The following DACH2 variants were observed in gnomAD, a reference collection of about 807,000 sequenced individuals.
DACH2 encodes the protein dachshund homolog 2.
A neutral mutation model predicts 35.8 loss-of-function variants in DACH2; 17 were observed. The observed-to-expected ratio is 0.48, with a 90% confidence interval of 0.33 to 0.71. The LOEUF (loss-of-function observed/expected upper bound fraction) is 0.71. Ranked by LOEUF, DACH2 falls within the 30% of genes least tolerant of loss-of-function variation. DACH2 has a pLI of 0.02. For synonymous variants in DACH2, 195 were observed against 177.3 expected, an observed-to-expected ratio of 1.10 and a Z score of -0.79; for missense variants, 469 against 472.7, an observed-to-expected ratio of 0.99 and a Z score of 0.07.
chrX:86,393,939 TTTATTA>T lies in DACH2; in HGVS notation c.527+17101_527+17106del, dbSNP rs61097672. Among the ~76,000 whole-genome samples, 886 of 104,820 alleles carry T rather than the reference TTTATTA, an allele frequency of 8.5e-3. 6 individuals carry two copies. Among genetic ancestry groups the T allele is most frequent in the African/African-American group, 0.028 (805 of 28,952 alleles). The allele number at this position is 104,820 out of a possible 115,157, so 91.0% of individuals were successfully genotyped here. A position where few individuals can be genotyped will look rare whatever the true frequency, so the allele number is the denominator to read the frequency against. ...TTAACACTTAATAAATGGTAGCTAT[TTTATTA>T]TTATTATTATTATTATTATTATTTT... On this transcript the variant is annotated intron_variant, in intron 2 of 11. Coordinates refer to ENST00000373125, the MANE Select transcript of DACH2 (RefSeq NM_053281.3).
chrX:86,313,256 A>C (rs2034834823), intron 1 of DACH2, among the ~76,000 whole-genome samples: 1 of 111,741 alleles, frequency 8.9e-6, no homozygotes, highest in African/African-American at 3.3e-5. Context: ...AATGTTCCTT[A>C]TTTTTAAAAG....
chrX:86,654,088 GGC>G lies in DACH2; in HGVS notation c.772+2922_772+2923del, dbSNP rs1372257285. The stretch of plus-strand genomic sequence containing the variant: ...GATTTCTCTGTTGATTGGCCTGCAC[GGC>G]AGTGGTCTCTAGCCCTTTGCTTTCT... On this transcript the variant is annotated intron_variant, in intron 4 of 11. Transcript: ENST00000373125. Among the ~76,000 whole-genome samples, 28 of 106,095 alleles carry G rather than the reference GGC, an allele frequency of 2.6e-4. 1 individual carries two copies. The East Asian group carries it at 8.4e-3, about 32-fold the overall frequency. 92.1% of individuals were successfully genotyped at this position (106,095 alleles called of 115,157 possible).
At chrX:86,635,746 T>C (rs1332089111) in intron 3 of DACH2, among the ~76,000 whole-genome samples, 1 of 111,168 alleles carries the variant, frequency 9.0e-6, no homozygotes, top group African/African-American at 3.3e-5. Flanking sequence ...ACAGTCAAAT[T>C]GAGAATCAAA....
At chrX:86,362,728 A>G (rs1442223364) in intron 1 of DACH2, among the ~76,000 whole-genome samples, 2 of 111,449 alleles carry the variant, frequency 1.8e-5, no homozygotes, top group East Asian at 5.7e-4. Flanking sequence ...CAGAACTGCT[A>G]ATTAGTCTAA....
intron 1 of DACH2, among the ~76,000 whole-genome samples, chrX:86,359,222 C>A (rs1263074579): frequency 1.8e-5 from 2 of 108,963 alleles, no homozygotes; most frequent in East Asian, 2.9e-4. Context: ...AATATAAATG[C>A]TATTATCAAA....
chrX:86,485,524 T>C (rs1490721958), intron 2 of DACH2, among the ~76,000 whole-genome samples: 1 of 111,578 alleles, frequency 9.0e-6, no homozygotes, highest in Non-Finnish European at 1.9e-5. Flanking sequence ...GATATTCTCA[T>C]CACAAAGAAA....
chrX:86,824,034 T>C (rs5923650), intron 11 of DACH2, among the ~76,000 whole-genome samples: 42,329 of 110,165 alleles, frequency 0.38, 6,279 homozygotes, highest in Middle Eastern at 0.44. Context: ...TTGATAAACA[T>C]CTTAAACAAC....
intron 1 of DACH2, among the ~76,000 whole-genome samples, chrX:86,323,193 G>A (rs1358019998): frequency 3.6e-5 from 4 of 112,364 alleles, no homozygotes; most frequent in African/African-American, 1.3e-4. Flanking sequence ...CATTTGGCAA[G>A]CTGTCCCCAC....
At chrX:86,306,779 C>T (rs1210935655) in intron 1 of DACH2, among the ~76,000 whole-genome samples, 1 of 111,331 alleles carries the variant, frequency 9.0e-6, no homozygotes, top group East Asian at 2.8e-4. Flanking sequence ...ACTCAATAAA[C>T]TCATATATAT....
chrX:86,625,075 C>T (rs1319929887), intron 3 of DACH2, among the ~76,000 whole-genome samples: 1 of 111,173 alleles, frequency 9.0e-6, no homozygotes, highest in Non-Finnish European at 1.9e-5. Flanking sequence ...ATATTGGTTC[C>T]AAACAGAAAA....
intron 1 of DACH2, among the ~76,000 whole-genome samples, chrX:86,280,915 T>C (rs1163465434): frequency 9.0e-6 from 1 of 111,579 alleles, no homozygotes; most frequent in Non-Finnish European, 1.9e-5. Context: ...CCTAAATATA[T>C]ATGCACCAAA....
intron 7 of DACH2, among the ~76,000 whole-genome samples, chrX:86,780,280 C>A (rs761316028): frequency 9.0e-6 from 1 of 110,610 alleles, no homozygotes; most frequent in Admixed American, 9.7e-5. Context: ...ACTCAAAAAC[C>A]CAGAGTGTCT....
At chrX:86,756,425 G>A (rs1281821254) in intron 7 of DACH2, among the ~76,000 whole-genome samples, 1 of 106,035 alleles carries the variant, frequency 9.4e-6, no homozygotes, top group African/African-American at 3.4e-5. Context: ...GAGTTTTGTA[G>A]TTTTTCTTCT....
At chrX:86,546,404 C>CTTCTTCTTCTTCTTCTTCTTT (rs774988785) in intron 3 of DACH2, among the ~76,000 whole-genome samples, 2 of 21,693 alleles carry the variant, frequency 9.2e-5, no homozygotes, top group Non-Finnish European at 2.1e-4. Flanking sequence ...TCTTCTTCTT[C>CTTCTTCTTCTTCTTCTTCTTT]CTTCTTCTTC....
intron 1 of DACH2, among the ~76,000 whole-genome samples, chrX:86,333,439 C>A (rs1424414091): frequency 1.8e-5 from 2 of 111,270 alleles, no homozygotes; most frequent in Non-Finnish European, 3.8e-5. Context: ...ACCTTGCTGA[C>A]CTTCTCACAC....
At chrX:86,484,049 C>A (rs2037984090) in intron 2 of DACH2, among the ~76,000 whole-genome samples, 1 of 110,895 alleles carries the variant, frequency 9.0e-6, no homozygotes, top group Admixed American at 9.7e-5. Context: ...CCATGCTAAA[C>A]ATGTAATTGC....
intron 2 of DACH2, among the ~76,000 whole-genome samples, chrX:86,452,176 C>T (rs1223193420): frequency 9.0e-6 from 1 of 111,527 alleles, no homozygotes; most frequent in Non-Finnish European, 1.9e-5. Context: ...GAGATAAAGC[C>T]TACTTGATTA....
chrX:86,466,714 C>T (rs948776605), intron 2 of DACH2, among the ~76,000 whole-genome samples: 1 of 111,846 alleles, frequency 8.9e-6, no homozygotes. Flanking sequence ...CATTTCCATA[C>T]ATCCTCTGAA....
At chrX:86,654,187 T>TAAAAAA (rs764775335) in intron 4 of DACH2, among the ~76,000 whole-genome samples, 1 of 40,451 alleles carries the variant, frequency 2.5e-5, no homozygotes, top group African/African-American at 8.0e-5. Context: ...ACATTTTTAG[T>TAAAAAA]AAAAAAAAAA....
Sources: allele counts gnomAD v4.1 joint callset (sites outside exome capture counted in the v4.1 genomes callset), GRCh38; gene constraint gnomAD v4.1.1; transcripts MANE v1.5; gene names NCBI Gene and HGNC (gene_info 2026-07-23, HGNC 2026-07-21).